Variants in BANK1 observed in about 807,000 individuals in gnomAD.
The protein encoded by BANK1 is B-cell scaffold protein with ankyrin repeats.
A neutral mutation model predicts 94.5 loss-of-function variants in BANK1; 95 were observed. The observed-to-expected ratio is 1.00, with a 90% CI of 0.85 to 1.19. The LOEUF (loss-of-function observed/expected upper bound fraction) is 1.19. Ranked by LOEUF, BANK1 falls within the 50% of genes most tolerant of loss-of-function variation. BANK1 has a pLI of 0.00. For missense variants in BANK1, 987 were observed against 932.2 expected, an observed-to-expected ratio of 1.06 and a Z score of -0.77; for synonymous variants, 334 against 308.4, an observed-to-expected ratio of 1.08 and a Z score of -0.87.
intron 1 of BANK1, among the ~76,000 whole-genome samples, chr4:101,829,476 A>T (rs1726517037): frequency 6.6e-6 from 1 of 151,894 alleles, no homozygotes; most frequent in African/African-American, 2.4e-5. Flanking sequence ...TGGGCCAGAA[A>T]TTAAAATATT....
chr4:102,037,219 G>C (rs1271321910), intron 10 of BANK1, among the ~76,000 whole-genome samples: 1 of 152,164 alleles, frequency 6.6e-6, no homozygotes, highest in Non-Finnish European at 1.5e-5. Flanking sequence ...CATCTGCTAG[G>C]CAGAGACCAA....
intron 9 of BANK1, among the ~76,000 whole-genome samples, chr4:102,026,501 C>A (rs1727101953): frequency 6.6e-6 from 1 of 151,994 alleles, no homozygotes; most frequent in African/African-American, 2.4e-5. Context: ...AAAAACATGA[C>A]CTTGTTTCAA....
chr4:102,029,010 G>A (rs1258601715), intron 9 of BANK1, among the ~76,000 whole-genome samples: 1 of 152,012 alleles, frequency 6.6e-6, no homozygotes, highest in Non-Finnish European at 1.5e-5. Flanking sequence ...AAACTCTTGG[G>A]CTAAAGCAAT....
chr4:101,959,593 A>G (rs1724495706), intron 7 of BANK1, among the ~76,000 whole-genome samples: 1 of 152,346 alleles, frequency 6.6e-6, no homozygotes, highest in East Asian at 1.9e-4. Flanking sequence ...AAAGATTATA[A>G]AAGTATCATA....
chr4:101,915,319 C>T (rs1722792499), intron 6 of BANK1, among the ~76,000 whole-genome samples: 1 of 152,016 alleles, frequency 6.6e-6, no homozygotes, highest in East Asian at 1.9e-4. Context: ...CAATCTGGCT[C>T]CAAAGTCCTA....
chr4:101,862,740 C>T, intron 4 of BANK1, 76 bp downstream of exon 4: 1 of 1,360,972 alleles, frequency 7.3e-7, no homozygotes, highest in Non-Finnish European at 9.7e-7. Flanking sequence ...TAAATGGTTT[C>T]ACTTCCTTAC....
chr4:102,055,632 C>G (rs1211702045), intron 11 of BANK1, among the ~76,000 whole-genome samples: 3 of 151,892 alleles, frequency 2.0e-5, no homozygotes, highest in Admixed American at 2.0e-4. Flanking sequence ...TTTTAACTAG[C>G]TGGATATAAT....
At chr4:102,010,664 A>T (rs1192798473) in intron 7 of BANK1, among the ~76,000 whole-genome samples, 2 of 152,190 alleles carry the variant, frequency 1.3e-5, no homozygotes, top group Non-Finnish European at 2.9e-5. Context: ...AAGGCCTGGG[A>T]TTACAGGCAT....
chr4:101,829,492 T>C (rs1006042524), intron 1 of BANK1, among the ~76,000 whole-genome samples: 1 of 151,986 alleles, frequency 6.6e-6, no homozygotes, highest in Non-Finnish European at 1.5e-5. Flanking sequence ...ATATTATCTA[T>C]AACATTATCT....
chr4:101,965,305 C>T (rs1445908735), intron 7 of BANK1, among the ~76,000 whole-genome samples: 1 of 150,616 alleles, frequency 6.6e-6, no homozygotes, highest in East Asian at 2.0e-4. Flanking sequence ...TACCACTCTC[C>T]ATTGCAATAT....
intron 11 of BANK1, among the ~76,000 whole-genome samples, chr4:102,057,288 CTT>C (rs200578866): frequency 1.3e-5 from 2 of 151,188 alleles, no homozygotes; most frequent in Non-Finnish European, 2.9e-5. Context: ...CTCTCTCTCT[CTT>C]TCTCTCTTTC....
intron 1 of BANK1, among the ~76,000 whole-genome samples, chr4:101,820,370 T>A (rs1726095515): frequency 6.6e-6 from 1 of 152,198 alleles, no homozygotes; most frequent in Non-Finnish European, 1.5e-5. Context: ...TAGTTACTGA[T>A]TCAAGAGGCA....
At chr4:101,861,427 T>A (rs1727872158) in intron 3 of BANK1, among the ~76,000 whole-genome samples, 1 of 152,194 alleles carries the variant, frequency 6.6e-6, no homozygotes, top group African/African-American at 2.4e-5. Context: ...CTGTTTTTTT[T>A]AAGTATGGAA....
At chr4:102,019,241 A>G (rs944139172) in intron 7 of BANK1, among the ~76,000 whole-genome samples, 1 of 152,112 alleles carries the variant, frequency 6.6e-6, no homozygotes, top group African/African-American at 2.4e-5. Context: ...TCTATTTTCA[A>G]TTTACTTTCC....
At chr4:101,823,495 G>A (rs1269151473) in intron 1 of BANK1, among the ~76,000 whole-genome samples, 1 of 152,168 alleles carries the variant, frequency 6.6e-6, no homozygotes, top group Non-Finnish European at 1.5e-5. Flanking sequence ...CGTGTGATAA[G>A]CACATTGTAT....
Position 101,898,782 on chromosome 4 carries a change from C to A in BANK1, c.1009+3372C>A, listed in dbSNP as rs146925290. On this transcript the variant is annotated intron_variant, in intron 6 of 16. Transcript: ENST00000322953. ...TAATAAGTAAAATACCATTCCATGT[C>A]AATAGGTCTTGGTCATTTTTTATTC... Among the ~76,000 whole-genome samples, 255 of 152,062 alleles carry A rather than the reference C, an allele frequency of 1.7e-3. 2 individuals are homozygous for A. Among genetic ancestry groups the A allele is most frequent in the African/African-American group, 5.9e-3 (245 of 41,502 alleles).
chr4:101,963,161 T>C (rs1283806786), intron 7 of BANK1, among the ~76,000 whole-genome samples: 1 of 152,128 alleles, frequency 6.6e-6, no homozygotes, highest in South Asian at 2.1e-4. Flanking sequence ...TTTTATAGCA[T>C]TTTGATATCC....
intron 11 of BANK1, among the ~76,000 whole-genome samples, chr4:102,055,649 A>G (rs1217447743): frequency 6.6e-6 from 1 of 152,108 alleles, no homozygotes; most frequent in Non-Finnish European, 1.5e-5. Flanking sequence ...TAATTAATAC[A>G]TAATTCACTT....
intron 15 of BANK1, among the ~76,000 whole-genome samples, chr4:102,072,947 AAAT>A (rs1054495797): frequency 1.3e-5 from 2 of 152,116 alleles, no homozygotes; most frequent in South Asian, 2.1e-4. Context: ...TTCTTCATAA[AAAT>A]AATGTTATTC....
Sources: allele counts gnomAD v4.1 joint callset (sites outside exome capture counted in the v4.1 genomes callset), GRCh38; gene constraint gnomAD v4.1.1; transcripts MANE v1.5; gene names NCBI Gene and HGNC (gene_info 2026-07-23, HGNC 2026-07-21).